Variants in GLDC observed in about 807,000 individuals in gnomAD.
GLDC encodes glycine decarboxylase, also known as glycine dehydrogenase (decarboxylating), mitochondrial.
Under a neutral mutation model 121.3 loss-of-function variants are expected in GLDC, and 104 were observed. That is an observed-to-expected ratio of 0.86 (90% confidence interval 0.73 to 1.01). The LOEUF (loss-of-function observed/expected upper bound fraction) is 1.01. Ranked by LOEUF, GLDC falls within the 50% of genes least tolerant of loss-of-function variation. The probability of loss-of-function intolerance (pLI) is 0.00; values close to 1 mark genes in which losing one functional copy is unlikely to be tolerated. For missense variants in GLDC, 1,429 were observed against 1,306.6 expected (o/e 1.09, Z -1.44); for synonymous variants, 546 against 480.6 (o/e 1.14, Z -1.78).
chr9:6,556,413 A>C (rs1817632215), intron 17 of GLDC, 111 bp from the exon 18 acceptor site: 1 of 892,574 alleles, frequency 1.1e-6, no homozygotes, highest in African/African-American at 1.6e-5. Flanking sequence ...CTCAGTCTTT[A>C]CTTTCCTGGA....
intron 22 of GLDC, among the ~76,000 whole-genome samples, chr9:6,539,445 C>G (rs530140375): frequency 3.3e-5 from 5 of 152,176 alleles, no homozygotes. Flanking sequence ...CATCACTGCA[C>G]TCCAGCCTGG....
chr9:6,533,284 C>T (rs1817039762), intron 24 of GLDC, 124 bp from the exon 25 acceptor site: 1 of 863,236 alleles, frequency 1.2e-6, no homozygotes, highest in African/African-American at 1.7e-5. Flanking sequence ...TTCTGAGAAC[C>T]TAAAATCCAA....
chr9:6,555,999 T>A (rs551075775), intron 18 of GLDC, among the ~76,000 whole-genome samples, 154 bp downstream of exon 18: 10 of 152,304 alleles, frequency 6.6e-5, no homozygotes, highest in Admixed American at 3.3e-4. Context: ...ATAAGTGGCT[T>A]TCCAAGGCCA....
chr9:6,589,761 C>T (rs1166948946), intron 11 of GLDC, among the ~76,000 whole-genome samples: 1 of 151,930 alleles, frequency 6.6e-6, no homozygotes, highest in African/African-American at 2.4e-5. Flanking sequence ...ACTACTAAAA[C>T]TTAGAAGAAA....
intron 9 of GLDC, 41 bp from the exon 10 acceptor site, chr9:6,593,031 C>G (rs1472214040): frequency 6.2e-7 from 1 of 1,608,494 alleles, no homozygotes. Flanking sequence ...CATATAGAAA[C>G]CTGCTCCTCA....
chr9:6,593,380 A>C (rs1024109397), intron 9 of GLDC, among the ~76,000 whole-genome samples: 7 of 151,242 alleles, frequency 4.6e-5, no homozygotes, highest in African/African-American at 1.7e-4. Context: ...GCATCCTCAA[A>C]CTCCTGGGCT....
At chr9:6,600,487 G>A (rs1353536307) in intron 8 of GLDC, among the ~76,000 whole-genome samples, 1 of 151,948 alleles carries the variant, frequency 6.6e-6, no homozygotes, top group East Asian at 1.9e-4. Flanking sequence ...GACCAGCCTG[G>A]CCAACATGAT....
chr9:6,611,961 T>C (rs751462060), intron 3 of GLDC, among the ~76,000 whole-genome samples: 10 of 152,142 alleles, frequency 6.6e-5, no homozygotes, highest in Non-Finnish European at 1.3e-4. Flanking sequence ...TCAAGCCATG[T>C]GTGTAGATCT....
At chr9:6,607,860 C>G (rs767629263) in intron 4 of GLDC, among the ~76,000 whole-genome samples, 2 of 151,914 alleles carry the variant, frequency 1.3e-5, no homozygotes, top group Non-Finnish European at 2.9e-5. Context: ...TGGTGGCTCA[C>G]GCCTGTAATC....
intron 20 of GLDC, among the ~76,000 whole-genome samples, chr9:6,552,136 G>A (rs994611640): frequency 6.6e-6 from 1 of 152,190 alleles, no homozygotes; most frequent in Non-Finnish European, 1.5e-5. Context: ...TTGCAGCAGG[G>A]AGAGAAGCAG....
intron 22 of GLDC, among the ~76,000 whole-genome samples, chr9:6,537,859 A>G (rs76756024): frequency 4.9e-4 from 74 of 152,308 alleles, no homozygotes; most frequent in African/African-American, 1.8e-3. Flanking sequence ...CCTAGATTCT[A>G]CAATGCTGTT....
At chr9:6,559,162 G>A (rs1259072289) in intron 16 of GLDC, among the ~76,000 whole-genome samples, 1 of 152,064 alleles carries the variant, frequency 6.6e-6, no homozygotes, top group Non-Finnish European at 1.5e-5. Context: ...AATATTTATC[G>A]GATGTTTACT....
rs778697867 is a variant in GLDC at position 6,588,669 on chromosome 9, C to T, written c.1614G>A (p.Met538Ile). 1 of 1,613,564 alleles carries T rather than the reference C, an allele frequency of 6.2e-7. No individual in the cohort carries two copies. Among genetic ancestry groups the T allele is most frequent in the South Asian group, 1.1e-5 (1 of 91,070 alleles). The stretch of plus-strand genomic sequence containing the variant: ...AAATGTCTTTATTTTCCAGTTTCTT[C>T]ATGTACCGGACAATGTTTGTTTCAG... ...YHSETNIVRY[M>I]KKLENKDISL... The change falls in exon 13 of 25, where the codon ATG becomes ATA. Residue 538 changes from methionine (M) to isoleucine (I), a missense_variant. Coordinates refer to ENST00000321612, the MANE Select transcript of GLDC (RefSeq NM_000170.3).
At position 6,589,218 on chromosome 9, in the gene GLDC, G is replaced by A; in HGVS notation, c.1557C>T (p.Phe519=). Residue 519 remains phenylalanine, a synonymous_variant, in exon 12 of 25, where the codon TTC becomes TTT. Transcript: ENST00000321612. Reference sequence around the variant, plus strand: ...ACCTGTTGAACACTTGATGGGTGAGGAACGGGCTGGTCCTCTTGAACACAG... The same window carrying A: ...ACCTGTTGAACACTTGATGGGTGAGAAACGGGCTGGTCCTCTTGAACACAG... ...PGSVFKRTSP[F]LTHQVFNSYH... The A allele has an allele frequency of 1.2e-6, 2 of 1,604,614 alleles. No homozygotes were observed. The highest frequency in any genetic ancestry group is 1.7e-6 in the Non-Finnish European group (2 of 1,171,334).
intron 5 of GLDC, chr9:6,605,809 G>C (rs963320241): frequency 9.5e-6 from 2 of 210,090 alleles, no homozygotes; most frequent in Non-Finnish European, 1.9e-5. Flanking sequence ...TGCGAGGATT[G>C]TTTTACCTGA....
At chr9:6,538,392 C>T (rs1196335057) in intron 22 of GLDC, among the ~76,000 whole-genome samples, 1 of 152,176 alleles carries the variant, frequency 6.6e-6, no homozygotes, top group Admixed American at 6.5e-5. Flanking sequence ...CCAAAATTGC[C>T]TGAAAAGACT....
At chr9:6,645,182 C>G (rs1247798885) in intron 1 of GLDC, 63 bp downstream of exon 1, 5 of 1,468,966 alleles carry the variant, frequency 3.4e-6, no homozygotes, top group Admixed American at 2.3e-5. Context: ...GCCGGGAGGC[C>G]GCGCAGGCAG....
intron 15 of GLDC, among the ~76,000 whole-genome samples, chr9:6,574,174 C>T (rs966843010): frequency 1.3e-5 from 2 of 152,092 alleles, no homozygotes; most frequent in Admixed American, 1.3e-4. Flanking sequence ...AGTTCCCAGA[C>T]AATAGAAAGC....
At chr9:6,533,202 G>A (rs1157477174) in intron 24 of GLDC, 42 bp from the exon 25 acceptor site, 2 of 1,601,014 alleles carry the variant, frequency 1.2e-6, no homozygotes, top group African/African-American at 2.7e-5. Flanking sequence ...GATGTTCTGG[G>A]AGGTTTCTCT....
Sources: allele counts gnomAD v4.1 joint callset (sites outside exome capture counted in the v4.1 genomes callset), GRCh38; gene constraint gnomAD v4.1.1; transcripts MANE v1.5; gene names NCBI Gene and HGNC (gene_info 2026-07-23, HGNC 2026-07-21).